Variants in INPP4B observed in about 807,000 individuals in gnomAD.
INPP4B encodes inositol polyphosphate-4-phosphatase type II B.
INPP4B carries 55 observed loss-of-function variants against 122.5 expected under a neutral mutation model. That is an observed-to-expected ratio of 0.45 (90% CI 0.36 to 0.56). The LOEUF (loss-of-function observed/expected upper bound fraction) is 0.56. Among genes scored for constraint, INPP4B ranks in the 20% least tolerant of loss-of-function variants. The pLI is 0.00. For synonymous variants in INPP4B, 403 were observed against 388.7 expected, an observed-to-expected ratio of 1.04 and a Z score of -0.43; for missense variants, 1,000 against 1,097.7, an observed-to-expected ratio of 0.91 and a Z score of 1.26.
intron 2 of INPP4B, among the ~76,000 whole-genome samples, chr4:142,658,582 T>C (rs1754585610): frequency 1.3e-5 from 2 of 152,248 alleles, no homozygotes; most frequent in African/African-American, 4.8e-5. Context: ...AAACTATCTG[T>C]GAGCATTCTT....
intron 2 of INPP4B, among the ~76,000 whole-genome samples, chr4:142,491,505 A>C (rs1213790240): frequency 6.6e-6 from 1 of 152,036 alleles, no homozygotes; most frequent in Non-Finnish European, 1.5e-5. Context: ...AAGACAAAAA[A>C]AATTAGCCAG....
chr4:142,572,214 T>C (rs1474450808), intron 2 of INPP4B, among the ~76,000 whole-genome samples: 2 of 152,178 alleles, frequency 1.3e-5, no homozygotes, highest in African/African-American at 4.8e-5. Context: ...TATGAAATTC[T>C]GCTCAACAGC....
At chr4:142,233,478 C>A (rs572293614) in intron 12 of INPP4B, among the ~76,000 whole-genome samples, 1 of 152,018 alleles carries the variant, frequency 6.6e-6, no homozygotes, top group Non-Finnish European at 1.5e-5. Context: ...GTGGTTCTTC[C>A]AGTTTGGATT....
chr4:142,320,708 C>G (rs1769672748), intron 7 of INPP4B, among the ~76,000 whole-genome samples: 1 of 152,168 alleles, frequency 6.6e-6, no homozygotes, highest in Non-Finnish European at 1.5e-5. Flanking sequence ...TTTGTGTCCT[C>G]ATAGCTTAGC....
intron 15 of INPP4B, among the ~76,000 whole-genome samples, chr4:142,182,406 G>A (rs1387330655): frequency 1.3e-5 from 2 of 151,860 alleles, no homozygotes; most frequent in Admixed American, 6.6e-5. Flanking sequence ...AAATTAGCCG[G>A]GCGTGGTGGC....
At chr4:142,778,673 A>C (rs1774309243) in intron 1 of INPP4B, among the ~76,000 whole-genome samples, 1 of 152,148 alleles carries the variant, frequency 6.6e-6, no homozygotes, top group Non-Finnish European at 1.5e-5. Flanking sequence ...ATTAAGAACT[A>C]AAGCAGTCTC....
At chr4:142,453,235 T>C (rs980241827) in intron 3 of INPP4B, among the ~76,000 whole-genome samples, 6 of 152,184 alleles carry the variant, frequency 3.9e-5, no homozygotes, top group African/African-American at 1.4e-4. Flanking sequence ...AAAATCCTTA[T>C]GCACACAGCC....
chr4:142,044,337 T>G (rs1750072832), intron 25 of INPP4B, among the ~76,000 whole-genome samples: 1 of 152,094 alleles, frequency 6.6e-6, no homozygotes, highest in Non-Finnish European at 1.5e-5. Context: ...TTTGTATGGC[T>G]AGAGAAGAAG....
intron 2 of INPP4B, among the ~76,000 whole-genome samples, chr4:142,620,137 A>G (rs538177049): frequency 6.6e-6 from 1 of 152,090 alleles, no homozygotes; most frequent in African/African-American, 2.4e-5. Flanking sequence ...ATTCGGCCCA[A>G]CAATTCCAAC....
intron 1 of INPP4B, among the ~76,000 whole-genome samples, chr4:142,741,550 T>C (rs146262314): frequency 1.3e-5 from 2 of 151,566 alleles, no homozygotes; most frequent in Admixed American, 1.3e-4. Flanking sequence ...ACTAAAGACA[T>C]AACAAAGGAA....
In INPP4B at chr4:142,678,866, A is replaced by C. The variant is rs369997461; in HGVS notation, c.-191+46973T>G. ...TTTTTTTTTCCTTTAGCTGTGCAATAAAGAATTGTATAAAATATTCCTGAA... is the reference window on the plus strand; with the variant it reads ...TTTTTTTTTCCTTTAGCTGTGCAATCAAGAATTGTATAAAATATTCCTGAA... On this transcript the variant is annotated intron_variant, in intron 2 of 25. Coordinates refer to ENST00000262992, the MANE Select transcript of INPP4B (RefSeq NM_001101669.3). 2.1e-4 allele frequency among the ~76,000 whole-genome samples: 32 copies of C among 152,022 alleles called. No homozygotes were observed. The East Asian group carries it at 5.2e-3, about 25-fold the overall frequency.
chr4:142,141,131 G>A (rs1807583314), intron 18 of INPP4B, among the ~76,000 whole-genome samples: 1 of 152,150 alleles, frequency 6.6e-6, no homozygotes, highest in Admixed American at 6.6e-5. Flanking sequence ...AGAAAGAAAA[G>A]TAAATTTGTT....
chr4:142,577,751 T>A (rs1580411601), intron 2 of INPP4B, among the ~76,000 whole-genome samples: 1 of 152,012 alleles, frequency 6.6e-6, no homozygotes, highest in East Asian at 1.9e-4. Context: ...TTGAACTTAA[T>A]AAATGCTGGC....
At chr4:142,312,764 C>T (rs528152921) in intron 8 of INPP4B, among the ~76,000 whole-genome samples, 1 of 152,244 alleles carries the variant, frequency 6.6e-6, no homozygotes, top group South Asian at 2.1e-4. Context: ...CCAGGTCCCC[C>T]ATGGTAGGCA....
intron 2 of INPP4B, among the ~76,000 whole-genome samples, chr4:142,593,157 G>C (rs550988394): frequency 6.6e-6 from 1 of 151,678 alleles, no homozygotes; most frequent in African/African-American, 2.4e-5. Context: ...GAGGATTTTA[G>C]GGAAAAACTA....
intron 1 of INPP4B, among the ~76,000 whole-genome samples, chr4:142,783,508 C>T (rs1322717536): frequency 6.6e-6 from 1 of 152,096 alleles, no homozygotes; most frequent in Admixed American, 6.6e-5. Context: ...AGTACCGAAG[C>T]ACCACGCATA....
chr4:142,303,022 T>C (rs1468316207), intron 9 of INPP4B, among the ~76,000 whole-genome samples: 1 of 152,168 alleles, frequency 6.6e-6, no homozygotes, highest in East Asian at 1.9e-4. Context: ...AAACACATTT[T>C]ACTCTACATC....
chr4:142,603,371 C>A (rs778972973), intron 2 of INPP4B, among the ~76,000 whole-genome samples: 2 of 151,612 alleles, frequency 1.3e-5, no homozygotes, highest in Non-Finnish European at 2.9e-5. Flanking sequence ...TGCACATATA[C>A]CCCAAACTTA....
chr4:142,745,684 A>C (rs1023062732), intron 1 of INPP4B, among the ~76,000 whole-genome samples: 4 of 151,886 alleles, frequency 2.6e-5, no homozygotes, highest in African/African-American at 9.7e-5. Flanking sequence ...CCTACAAAAA[A>C]GTCGATTTAA....
Sources: gnomAD v4.1 joint callset for allele counts (sites outside exome capture counted in the v4.1 genomes callset) on GRCh38, gnomAD v4.1.1 for gene constraint, MANE v1.5 for transcripts, NCBI Gene and HGNC (gene_info 2026-07-23, HGNC 2026-07-21) for gene names.